FAM216B: variants seen among roughly 807,000 people sequenced by gnomAD.
The protein encoded by FAM216B is family with sequence similarity 216 member B, also known as protein FAM216B.
A neutral mutation model predicts 12.9 loss-of-function variants in FAM216B; 11 were observed. That is an observed-to-expected ratio of 0.86 (90% CI 0.54 to 1.42). FAM216B has a LOEUF of 1.42. FAM216B is among the 40% of genes most tolerant of loss of function. FAM216B has a pLI of 0.00. For synonymous variants in FAM216B, 52 were observed against 57.2 expected (o/e 0.91, Z 0.41); for missense variants, 167 against 162.9 (o/e 1.02, Z -0.14).
rs553684401 is a variant in FAM216B, at chr13:42,789,958, C to T, written c.*1168C>T. 7.9e-5 allele frequency: 12 copies of T among 152,244 alleles called. No individual in the cohort carries two copies. The highest frequency in any genetic ancestry group is 2.2e-4 in the African/African-American group (9 of 41,552). 9.4% of individuals were successfully genotyped at this position (152,244 alleles called of 1,614,324 possible). On this transcript the variant is annotated 3_prime_UTR_variant, in exon 4 of 4. Coordinates refer to ENST00000313851, the MANE Select transcript of FAM216B (RefSeq NM_001318932.2). The stretch of plus-strand genomic sequence containing the variant: ...TAGTATTGAGGTCCAGCACTACTTC[C>T]AAGCTCCTATCTGACTTTTCTTTGG...
rs1452877979 is a variant in FAM216B, at chr13:42,789,098, T to A, written c.*308T>A. 4.7e-6 allele frequency: 1 copy of A among 211,092 alleles called. No individual in the cohort carries two copies. Among genetic ancestry groups the A allele is most frequent in the Non-Finnish European group, 9.6e-6 (1 of 104,114 alleles). 13.1% of individuals were successfully genotyped at this position (211,092 alleles called of 1,614,324 possible). A position where few individuals can be genotyped will look rare whatever the true frequency, so the allele number is the denominator to read the frequency against. On this transcript the variant is annotated 3_prime_UTR_variant, in exon 4 of 4. Coordinates refer to ENST00000313851, the MANE Select transcript of FAM216B (RefSeq NM_001318932.2). ...CCCCAAAACAGTGAAAGGGGACAAG[T>A]GACCAGAAAGGGCCAGGTCCTCTGT...
chr13:42,788,505 C>A, intron 3 of FAM216B, 86 bp from the exon 4 acceptor site: 2 of 1,102,706 alleles, frequency 1.8e-6, no homozygotes, highest in Non-Finnish European at 2.6e-6. Context: ...AAATTTTGTA[C>A]ACATAAGTAA....
Position 42,788,859 on chromosome 13 carries a change from C to T in FAM216B, c.*69C>T. The stretch of plus-strand genomic sequence containing the variant: ...CCTGGTATCTAGTGGGTGCTTTGTG[C>T]ATATTTGTTGAATGACAGTGAATAA... On this transcript the variant is annotated 3_prime_UTR_variant, in exon 4 of 4. Transcript: ENST00000313851. 1.4e-6 allele frequency: 2 copies of T among 1,380,324 alleles called. No individual in the cohort carries two copies. Among genetic ancestry groups the T allele is most frequent in the East Asian group, 2.3e-5 (1 of 42,974 alleles). 85.5% of individuals were successfully genotyped at this position (1,380,324 alleles called of 1,614,324 possible). A position where few individuals can be genotyped will look rare whatever the true frequency, so the allele number is the denominator to read the frequency against.
chr13:42,784,173 C>CTTTCT lies in FAM216B; in HGVS notation c.99+10_99+11insCTTTT. 1.3e-6 allele frequency: 1 copy of CTTTCT among 750,744 alleles called. No individual in the cohort carries two copies. Among genetic ancestry groups the CTTTCT allele is most frequent in the Non-Finnish European group, 1.8e-6 (1 of 557,184 alleles). 46.5% of individuals were successfully genotyped at this position (750,744 alleles called of 1,614,324 possible). A position where few individuals can be genotyped will look rare whatever the true frequency, so the allele number is the denominator to read the frequency against. ...TGACACTTCCTTACTAAAGGTATGG[C>CTTTCT]TTTTTTTTTTTTTTTTTTTTCACAG... On this transcript the variant is annotated splice_region_variant and intron_variant, in intron 2 of 3. Transcript: ENST00000313851.
At chr13:42,784,345 G>A (rs866779794) in intron 2 of FAM216B, among the ~76,000 whole-genome samples, 179 bp downstream of exon 2, 5 of 151,980 alleles carry the variant, frequency 3.3e-5, no homozygotes, top group Middle Eastern at 3.4e-3. Context: ...GAGCACTTGG[G>A]TAACCTCCTA....
chr13:42,782,517 C>T (rs1042482203), intron 1 of FAM216B, among the ~76,000 whole-genome samples: 7 of 152,164 alleles, frequency 4.6e-5, no homozygotes, highest in Admixed American at 2.0e-4. Context: ...TAATAATCTA[C>T]GTTTAGCAGA....
In FAM216B at chr13:42,788,915, ATC is replaced by A. The variant is rs1457186280; in HGVS notation, c.*129_*130del. The A allele has an allele frequency of 1.0e-6, 1 of 988,444 alleles. No homozygotes were observed. Among genetic ancestry groups the A allele is most frequent in the African/African-American group, 1.6e-5 (1 of 61,162 alleles). The allele number at this position is 988,444 out of a possible 1,614,324, so 61.2% of individuals were successfully genotyped here. On this transcript the variant is annotated 3_prime_UTR_variant, in exon 4 of 4. Transcript: ENST00000313851. ...AATATAAACCCCAGACCTAAAAATA[ATC>A]TCTGATTCATATAAATTTTGCCAGC... is the stretch of plus-strand genomic sequence containing the variant.
At chr13:42,787,925 G>C (rs981132322) in intron 3 of FAM216B, among the ~76,000 whole-genome samples, 1 of 152,168 alleles carries the variant, frequency 6.6e-6, no homozygotes, top group Admixed American at 6.5e-5. Context: ...ACATGAACAA[G>C]TTAAATAGCT....
At chr13:42,782,357 A>T (rs1382829383) in intron 1 of FAM216B, among the ~76,000 whole-genome samples, 1 of 152,142 alleles carries the variant, frequency 6.6e-6, no homozygotes, top group Non-Finnish European at 1.5e-5. Context: ...TGAATCAAAC[A>T]CCCAGTGAGG....
At chr13:42,784,440 C>T (rs1873988440) in intron 2 of FAM216B, among the ~76,000 whole-genome samples, 6 of 151,848 alleles carry the variant, frequency 4.0e-5, no homozygotes, top group Admixed American at 3.9e-4. Flanking sequence ...CACTAATTGG[C>T]CACACTATGG....
At chr13:42,786,728 C>A (rs1280436146) in intron 2 of FAM216B, 35 bp from the exon 3 acceptor site, 6 of 1,610,962 alleles carry the variant, frequency 3.7e-6, no homozygotes, top group Non-Finnish European at 5.1e-6. Flanking sequence ...TGGAACTCCA[C>A]ACACTCATCA....
intron 2 of FAM216B, among the ~76,000 whole-genome samples, chr13:42,784,828 C>T (rs1266226219): frequency 6.9e-6 from 1 of 145,034 alleles, no homozygotes; most frequent in African/African-American, 2.6e-5. Context: ...AGCAAGACTC[C>T]GTCTCAAAAA....
chr13:42,782,333 A>G (rs1350846533), intron 1 of FAM216B, among the ~76,000 whole-genome samples: 1 of 152,210 alleles, frequency 6.6e-6, no homozygotes, highest in Non-Finnish European at 1.5e-5. Context: ...AGCATTCTAT[A>G]TTCACGATTT....
intron 3 of FAM216B, 131 bp from the exon 4 acceptor site, chr13:42,788,460 A>G: frequency 1.6e-6 from 1 of 638,986 alleles, no homozygotes; most frequent in Non-Finnish European, 2.6e-6. Context: ...TTCAAAGATC[A>G]TATAATCTGG....
intron 2 of FAM216B, among the ~76,000 whole-genome samples, chr13:42,784,998 C>T (rs1235966937): frequency 6.6e-6 from 1 of 152,116 alleles, no homozygotes; most frequent in East Asian, 1.9e-4. Flanking sequence ...TAGGCATTTT[C>T]TGCTTTGTAA....
intron 2 of FAM216B, among the ~76,000 whole-genome samples, 178 bp downstream of exon 2, chr13:42,784,344 G>C (rs1191498798): frequency 6.6e-6 from 1 of 151,690 alleles, no homozygotes; most frequent in Non-Finnish European, 1.5e-5. Context: ...TGAGCACTTG[G>C]GTAACCTCCT....
chr13:42,784,449 G>A (rs752347476), intron 2 of FAM216B, among the ~76,000 whole-genome samples: 7 of 151,706 alleles, frequency 4.6e-5, no homozygotes, highest in Non-Finnish European at 8.8e-5. Flanking sequence ...GCCACACTAT[G>A]GCTCCCTGTT....
At position 42,784,172 on chromosome 13, in the gene FAM216B, G is replaced by GC; in HGVS notation, c.99+7dup. Reference sequence around the variant, plus strand: ...ATGACACTTCCTTACTAAAGGTATGGCTTTTTTTTTTTTTTTTTTTTCACA... The same window carrying GC: ...ATGACACTTCCTTACTAAAGGTATGGCCTTTTTTTTTTTTTTTTTTTTCACA... On this transcript the variant is annotated splice_region_variant and intron_variant, in intron 2 of 3. Coordinates refer to ENST00000313851, the MANE Select transcript of FAM216B (RefSeq NM_001318932.2). 1.2e-6 allele frequency: 1 copy of GC among 809,002 alleles called. No homozygotes were observed. The highest frequency in any genetic ancestry group is 1.7e-6 in the Non-Finnish European group (1 of 600,576). The allele number at this position is 809,002 out of a possible 1,614,324, so 50.1% of individuals were successfully genotyped here. A position where few individuals can be genotyped will look rare whatever the true frequency, so the allele number is the denominator to read the frequency against.
intron 2 of FAM216B, 115 bp from the exon 3 acceptor site, chr13:42,786,648 A>AT: frequency 7.4e-7 from 1 of 1,358,122 alleles, no homozygotes; most frequent in Non-Finnish European, 9.8e-7. Flanking sequence ...AAAAAAAAAA[A>AT]CATATGGTTA....
Sources: allele counts gnomAD v4.1 joint callset (sites outside exome capture counted in the v4.1 genomes callset), GRCh38; gene constraint gnomAD v4.1.1; transcripts MANE v1.5; gene names NCBI Gene and HGNC (gene_info 2026-07-23, HGNC 2026-07-21).